The following THRB variants were observed in gnomAD, a reference collection of about 807,000 sequenced individuals.
THRB encodes the protein thyroid hormone receptor beta.
In THRB, 12 loss-of-function variants were observed where a neutral mutation model predicts 47.8. The observed-to-expected ratio is 0.25, with a 90% CI of 0.16 to 0.41. The LOEUF (loss-of-function observed/expected upper bound fraction) is 0.41, where lower values mean the gene tolerates loss of function less well. THRB is among the 10% of genes least tolerant of loss of function. The pLI, the probability that THRB is intolerant of heterozygous loss-of-function variation, is 1.00. For missense variants in THRB, 348 were observed against 589.2 expected (o/e 0.59, Z 4.24); for synonymous variants, 218 against 212.2 (o/e 1.03, Z -0.24).
intron 2 of THRB, among the ~76,000 whole-genome samples, chr3:24,314,121 A>G (rs185948991): frequency 2.6e-5 from 4 of 152,338 alleles, no homozygotes; most frequent in Admixed American, 2.6e-4. Flanking sequence ...AACTAGCCCA[A>G]TCACCTAATG....
chr3:24,410,514 A>G (rs2068200344), intron 1 of THRB, among the ~76,000 whole-genome samples: 2 of 151,766 alleles, frequency 1.3e-5, no homozygotes, highest in African/African-American at 4.8e-5. Flanking sequence ...CCCTGTAAAT[A>G]CCCCTTTGAC....
intron 1 of THRB, among the ~76,000 whole-genome samples, chr3:24,481,595 T>C (rs1475146488): frequency 6.6e-6 from 1 of 151,914 alleles, no homozygotes; most frequent in Non-Finnish European, 1.5e-5. Flanking sequence ...TGAAGAAATA[T>C]AGATATATAG....
chr3:24,399,409 C>T (rs1261404572), intron 1 of THRB, among the ~76,000 whole-genome samples: 1 of 151,944 alleles, frequency 6.6e-6, no homozygotes, highest in Non-Finnish European at 1.5e-5. Context: ...AAAGGCAGCA[C>T]TAGCTATATG....
chr3:24,402,079 G>C (rs927216675), intron 1 of THRB, among the ~76,000 whole-genome samples: 6 of 151,992 alleles, frequency 3.9e-5, no homozygotes, highest in Non-Finnish European at 8.8e-5. Context: ...AGTAAAGTCT[G>C]GGACAGGTTT....
Position 24,118,520 on chromosome 3 carries a change from T to G in THRB, c.*4364A>C, listed in dbSNP as rs1047964108. On this transcript the variant is annotated 3_prime_UTR_variant, in exon 11 of 11. Coordinates refer to ENST00000646209, the MANE Select transcript of THRB (RefSeq NM_001354712.2). ...TCTGATTCTCAGGGCATGAAAACAT[T>G]ATGGGAAAAAAAAGGATTTTCTACG... is the stretch of plus-strand genomic sequence containing the variant. 6.6e-6 allele frequency: 1 copy of G among 152,570 alleles called. No individual in the cohort carries two copies. Among genetic ancestry groups the G allele is most frequent in the African/African-American group, 2.4e-5 (1 of 41,422 alleles). The allele number at this position is 152,570 out of a possible 1,614,324, so 9.5% of individuals were successfully genotyped here.
chr3:24,435,949 A>C (rs900364153), intron 1 of THRB, among the ~76,000 whole-genome samples: 1 of 152,234 alleles, frequency 6.6e-6, no homozygotes, highest in Non-Finnish European at 1.5e-5. Context: ...AAAAAAGTAC[A>C]TAAATGCTTA....
At chr3:24,442,349 T>C (rs1175757591) in intron 1 of THRB, among the ~76,000 whole-genome samples, 1 of 152,192 alleles carries the variant, frequency 6.6e-6, no homozygotes, top group Non-Finnish European at 1.5e-5. Flanking sequence ...TTGTTGGAGT[T>C]TACACAGGTT....
intron 1 of THRB, among the ~76,000 whole-genome samples, chr3:24,398,441 G>A (rs9694048): frequency 0.67 from 102,309 of 152,092 alleles, 34,658 homozygotes; most frequent in African/African-American, 0.71. Context: ...ACTTTTCAAA[G>A]GAAGACACTT....
Position 24,198,479 on chromosome 3 carries a change from C to T in THRB, c.23-8145G>A, listed in dbSNP as rs190544610. Among the ~76,000 whole-genome samples, 715 of 106,700 alleles carry T rather than the reference C, an allele frequency of 6.7e-3. 12 individuals carry two copies. The highest frequency in any genetic ancestry group is 0.024 in the African/African-American group (653 of 26,734). The allele number at this position is 106,700 out of a possible 152,430, so 70.0% of individuals were successfully genotyped here. A position where few individuals can be genotyped will look rare whatever the true frequency, so the allele number is the denominator to read the frequency against. On this transcript the variant is annotated intron_variant, in intron 4 of 10. Coordinates refer to ENST00000646209, the MANE Select transcript of THRB (RefSeq NM_001354712.2). ...CCCCCCCCCCCCCTTTTTTTTTTAACTACTAGTAATTACAGAGACCAAATC... is the reference window on the plus strand; with the variant it reads ...CCCCCCCCCCCCCTTTTTTTTTTAATTACTAGTAATTACAGAGACCAAATC...
At chr3:24,472,055 T>C (rs1001307442) in intron 1 of THRB, among the ~76,000 whole-genome samples, 6 of 152,188 alleles carry the variant, frequency 3.9e-5, no homozygotes, top group African/African-American at 1.4e-4. Flanking sequence ...GTCTTCATAG[T>C]CCTACAGAGT....
intron 4 of THRB, among the ~76,000 whole-genome samples, chr3:24,208,261 T>C (rs1199631355): frequency 6.6e-6 from 1 of 151,498 alleles, no homozygotes; most frequent in African/African-American, 2.4e-5. Flanking sequence ...ATTGTGAAAA[T>C]GGCCATACTG....
intron 1 of THRB, among the ~76,000 whole-genome samples, chr3:24,405,144 G>A (rs1014971487): frequency 3.1e-4 from 47 of 151,876 alleles, no homozygotes; most frequent in Non-Finnish European, 6.8e-4. Flanking sequence ...TGTTCATTCA[G>A]CATATATTTG....
intron 4 of THRB, among the ~76,000 whole-genome samples, chr3:24,206,688 C>T (rs1443838605): frequency 6.6e-6 from 1 of 152,076 alleles, no homozygotes; most frequent in Non-Finnish European, 1.5e-5. Flanking sequence ...TACAAAAACC[C>T]TTCAAAAAAT....
intron 1 of THRB, among the ~76,000 whole-genome samples, chr3:24,446,443 T>C (rs1215068632): frequency 2.0e-5 from 3 of 151,954 alleles, no homozygotes; most frequent in Non-Finnish European, 4.4e-5. Flanking sequence ...TGGAGAGAGG[T>C]CAGTATGCTG....
At chr3:24,295,778 A>C (rs1417273537) in intron 3 of THRB, among the ~76,000 whole-genome samples, 1 of 152,192 alleles carries the variant, frequency 6.6e-6, no homozygotes, top group African/African-American at 2.4e-5. Context: ...TCCTTGGGTC[A>C]GTCACTGAAC....
At chr3:24,398,708 C>T (rs1344165527) in intron 1 of THRB, among the ~76,000 whole-genome samples, 2 of 152,128 alleles carry the variant, frequency 1.3e-5, no homozygotes, top group Admixed American at 1.3e-4. Context: ...TACCATTTGA[C>T]CCAGCCATCC....
Position 24,123,107 on chromosome 3 carries a change from C to T in THRB, c.1163G>A (p.Cys388Tyr). ...LMSSDRPGLACVERIEKYQDS... is the reference protein window; with the variant it reads ...LMSSDRPGLAYVERIEKYQDS... The stretch of plus-strand genomic sequence containing the variant: ...TTGGTACTTTTCTATTCTCTCAACA[C>T]AGGCAAGCCCCGGGCGATCTGCGGG... Residue 388 changes from cysteine (C) to tyrosine (Y), a missense_variant, in exon 11 of 11, where the codon TGT becomes TAT. By Grantham distance (194) the Cys-to-Tyr change is radical. This residue lies in a region of THRB where 36 missense variants were observed against 51.7 expected (regional missense o/e 0.70). Transcript: ENST00000646209. The T allele has an allele frequency of 6.2e-7, 1 of 1,614,194 alleles. No homozygotes were observed.
In THRB at chr3:24,225,293, G is replaced by A. The variant is rs570020815; in HGVS notation, c.22+3645C>T. Among the ~76,000 whole-genome samples, 24 of 152,158 alleles carry A rather than the reference G, an allele frequency of 1.6e-4. No homozygotes were observed. The South Asian group carries it at 3.7e-3, about 24-fold the overall frequency. On this transcript the variant is annotated intron_variant, in intron 4 of 10. Transcript: ENST00000646209. ...TGAAAGCTCCTATCTATCTTGGCACGCATCCCTTCCCTGCTACAGAGGGAT... is the reference window on the plus strand; with the variant it reads ...TGAAAGCTCCTATCTATCTTGGCACACATCCCTTCCCTGCTACAGAGGGAT...
At chr3:24,491,130 G>T (rs1220221907) in intron 1 of THRB, among the ~76,000 whole-genome samples, 1 of 151,944 alleles carries the variant, frequency 6.6e-6, no homozygotes, top group Non-Finnish European at 1.5e-5. Context: ...TGTTAACTTG[G>T]CTACTACTAA....
Sources: gnomAD v4.1 joint callset for allele counts (sites outside exome capture counted in the v4.1 genomes callset) on GRCh38, gnomAD v4.1.1 for gene constraint, gnomAD v4.1.1 regional missense constraint, MANE v1.5 for transcripts, NCBI Gene and HGNC (gene_info 2026-07-23, HGNC 2026-07-21) for gene names.